Variants in STXBP5L observed in about 807,000 individuals in gnomAD.
The protein encoded by STXBP5L is syntaxin binding protein 5L, also known as syntaxin-binding protein 5-like.
Under a neutral mutation model 144.5 loss-of-function variants are expected in STXBP5L, and 65 were observed. The ratio of observed to expected loss-of-function variants is 0.45; its 90% CI spans 0.37 to 0.55. The LOEUF is 0.55. Ranked by LOEUF, STXBP5L falls within the 20% of genes least tolerant of loss-of-function variation. The pLI, the probability that STXBP5L is intolerant of heterozygous loss-of-function variation, is 0.00. For missense variants in STXBP5L, 1,298 were observed against 1,405.5 expected, an observed-to-expected ratio of 0.92 and a Z score of 1.22; for synonymous variants, 505 against 469.6, an observed-to-expected ratio of 1.08 and a Z score of -0.97.
intron 8 of STXBP5L, among the ~76,000 whole-genome samples, chr3:121,156,622 C>A (rs1301759538): frequency 4.6e-5 from 7 of 151,942 alleles, no homozygotes; most frequent in African/African-American, 1.4e-4. Context: ...ATTGGGAATA[C>A]AATAGCTTGG....
intron 9 of STXBP5L, among the ~76,000 whole-genome samples, chr3:121,172,581 A>G (rs1026503681): frequency 6.6e-6 from 1 of 152,208 alleles, no homozygotes; most frequent in Non-Finnish European, 1.5e-5. Flanking sequence ...TATGAAAAAC[A>G]GCTCATCATC....
chr3:121,379,442 A>G (rs1162209951), intron 21 of STXBP5L, among the ~76,000 whole-genome samples: 2 of 152,120 alleles, frequency 1.3e-5, no homozygotes, highest in African/African-American at 4.8e-5. Context: ...AGGCAAAAAA[A>G]GGGAATTTTG....
In STXBP5L at chr3:121,026,821, A is replaced by G. The variant is rs180970194; in HGVS notation, c.288-14879A>G. On this transcript the variant is annotated intron_variant, in intron 3 of 26. Coordinates refer to ENST00000471454, the MANE Select transcript of STXBP5L (RefSeq NM_001308330.2). ...TGTAACAAACCTTCACGTTGTGCAC[A>G]TGTACCCTAAAACTTAAAGTATTAT... Among the ~76,000 whole-genome samples, 729 of 152,032 alleles carry G rather than the reference A, an allele frequency of 4.8e-3. 10 individuals carry two copies. Among genetic ancestry groups the G allele is most frequent in the African/African-American group, 0.016 (672 of 41,522 alleles).
At chr3:121,379,983 C>G (rs1160233801) in intron 21 of STXBP5L, among the ~76,000 whole-genome samples, 1 of 152,052 alleles carries the variant, frequency 6.6e-6, no homozygotes, top group Non-Finnish European at 1.5e-5. Context: ...TACAGGTGCA[C>G]ACCACCACAT....
intron 9 of STXBP5L, among the ~76,000 whole-genome samples, chr3:121,164,397 G>T (rs528179354): frequency 1.3e-5 from 2 of 152,300 alleles, no homozygotes; most frequent in African/African-American, 2.4e-5. Flanking sequence ...ATGTTGGCAG[G>T]TATATAGAGA....
At chr3:121,023,348 A>G (rs1945698679) in intron 3 of STXBP5L, among the ~76,000 whole-genome samples, 1 of 152,142 alleles carries the variant, frequency 6.6e-6, no homozygotes, top group Admixed American at 6.6e-5. Context: ...CAATGCAATT[A>G]TCATCTAAAT....
At chr3:121,358,789 G>A (rs1169434518) in intron 20 of STXBP5L, among the ~76,000 whole-genome samples, 1 of 152,168 alleles carries the variant, frequency 6.6e-6, no homozygotes, top group African/African-American at 2.4e-5. Context: ...ATAATCTCCA[G>A]TTCCATCTAT....
chr3:121,072,938 C>T (rs998162985), intron 5 of STXBP5L, among the ~76,000 whole-genome samples: 1 of 152,172 alleles, frequency 6.6e-6, no homozygotes, highest in Non-Finnish European at 1.5e-5. Context: ...TAGATGTTTA[C>T]TGACTTTCCT....
At chr3:121,228,760 C>T (rs2049203735) in intron 11 of STXBP5L, among the ~76,000 whole-genome samples, 1 of 152,110 alleles carries the variant, frequency 6.6e-6, no homozygotes, top group Non-Finnish European at 1.5e-5. Context: ...ATCTGTAATC[C>T]CAGCTACTCG....
intron 12 of STXBP5L, 89 bp from the exon 13 acceptor site, chr3:121,238,882 T>C: frequency 7.8e-7 from 1 of 1,286,130 alleles, no homozygotes. Flanking sequence ...ATAGTGATGT[T>C]TAGAGACATT....
chr3:121,069,811 T>A (rs1267493392), intron 5 of STXBP5L, among the ~76,000 whole-genome samples: 2 of 152,230 alleles, frequency 1.3e-5, no homozygotes, highest in East Asian at 3.9e-4. Flanking sequence ...TTTCTTCTAC[T>A]ATGGATGTCC....
At chr3:121,381,145 G>A (rs913070482) in intron 21 of STXBP5L, 148 bp from the exon 22 acceptor site, 3 of 725,156 alleles carry the variant, frequency 4.1e-6, no homozygotes, top group African/African-American at 3.7e-5. Context: ...AAATAAGCTG[G>A]TGAACTGGAT....
intron 9 of STXBP5L, among the ~76,000 whole-genome samples, chr3:121,174,483 T>G (rs1248377526): frequency 6.6e-6 from 1 of 152,122 alleles, no homozygotes; most frequent in Non-Finnish European, 1.5e-5. Flanking sequence ...CCATGCAGTC[T>G]AAACCCATGT....
chr3:121,151,301 TA>T (rs919320669), intron 7 of STXBP5L, among the ~76,000 whole-genome samples: 3 of 152,186 alleles, frequency 2.0e-5, no homozygotes. Context: ...AGTTAACATG[TA>T]AAAAGCTCAA....
chr3:121,179,333 C>A (rs1326294437), intron 9 of STXBP5L, among the ~76,000 whole-genome samples: 1 of 151,738 alleles, frequency 6.6e-6, no homozygotes. Flanking sequence ...AAAGTCTTCA[C>A]CTCTAAAGCA....
At chr3:121,206,075 A>G in intron 10 of STXBP5L, 74 bp downstream of exon 10, 1 of 862,668 alleles carries the variant, frequency 1.2e-6, no homozygotes, top group Non-Finnish European at 1.7e-6. Context: ...TAATGTTAAG[A>G]TATTGTTTAA....
chr3:121,114,798 G>A (rs897097379), intron 5 of STXBP5L, 127 bp from the exon 6 acceptor site: 1 of 512,428 alleles, frequency 2.0e-6, no homozygotes. Context: ...ATAACTACAT[G>A]CTATACTTGA....
chr3:121,027,519 T>A (rs1276643779), intron 3 of STXBP5L, among the ~76,000 whole-genome samples: 1 of 152,104 alleles, frequency 6.6e-6, no homozygotes, highest in Non-Finnish European at 1.5e-5. Flanking sequence ...CCTTCCTTTT[T>A]CAGCTTCTAA....
chr3:121,388,552 T>A (rs1275878513), intron 22 of STXBP5L, among the ~76,000 whole-genome samples: 1 of 152,148 alleles, frequency 6.6e-6, no homozygotes, highest in African/African-American at 2.4e-5. Flanking sequence ...GTCGTATTAT[T>A]TTGAGATATG....
Sources: gnomAD v4.1 joint callset for allele counts (sites outside exome capture counted in the v4.1 genomes callset) on GRCh38, gnomAD v4.1.1 for gene constraint, MANE v1.5 for transcripts, NCBI Gene and HGNC (gene_info 2026-07-23, HGNC 2026-07-21) for gene names.